Variants in ADAM10 observed in about 807,000 individuals in gnomAD.
ADAM10 encodes the protein ADAM metallopeptidase domain 10, also known as disintegrin and metalloproteinase domain-containing protein 10.
A neutral mutation model predicts 90.1 loss-of-function variants in ADAM10; 17 were observed. That is an observed-to-expected ratio of 0.19 (90% CI 0.13 to 0.28). The LOEUF (loss-of-function observed/expected upper bound fraction) is 0.28. ADAM10 is among the 10% of genes least tolerant of loss of function. The probability of loss-of-function intolerance (pLI) is 1.00; values close to 1 mark genes in which losing one functional copy is unlikely to be tolerated. For missense variants in ADAM10, 610 were observed against 914.3 expected (o/e 0.67, Z 4.29); for synonymous variants, 310 against 298.6 (o/e 1.04, Z -0.40).
intron 1 of ADAM10, among the ~76,000 whole-genome samples, chr15:58,722,567 A>G (rs1898890576): frequency 6.6e-6 from 1 of 151,218 alleles, no homozygotes; most frequent in Non-Finnish European, 1.5e-5. Flanking sequence ...GAAATCAAAT[A>G]AAAAAAGATA....
intron 14 of ADAM10, 65 bp from the exon 15 acceptor site, chr15:58,599,789 A>C: frequency 6.6e-7 from 1 of 1,518,832 alleles, no homozygotes; most frequent in South Asian, 1.1e-5. Flanking sequence ...AGTATCTTTT[A>C]CAGTATATAA....
At position 58,658,199 on chromosome 15, in the gene ADAM10, G is replaced by A. The variant is rs190468385; in HGVS notation, c.585+6898C>T. On this transcript the variant is annotated intron_variant, in intron 5 of 15. Transcript: ENST00000260408. ...TTGAGTTAATTTTTGTATAAGGTGT[G>A]AAGTACAGGTGAATCTCAATTTTTT... Among the ~76,000 whole-genome samples, 300 of 152,168 alleles carry A rather than the reference G, an allele frequency of 2.0e-3. 1 individual carries two copies. The highest frequency in any genetic ancestry group is 6.7e-3 in the African/African-American group (280 of 41,518).
chr15:58,619,623 G>A (rs983878752), intron 11 of ADAM10, among the ~76,000 whole-genome samples: 7 of 151,962 alleles, frequency 4.6e-5, no homozygotes, highest in Non-Finnish European at 7.4e-5. Context: ...ATGGAATAGG[G>A]GCCGGGTGCA....
chr15:58,692,970 G>T, intron 2 of ADAM10: 1 of 748,726 alleles, frequency 1.3e-6, no homozygotes, highest in Non-Finnish European at 2.5e-6. Context: ...GAGGGTTGGG[G>T]ATGATGTCAA....
chr15:58,725,742 C>G (rs1485195908), intron 1 of ADAM10, among the ~76,000 whole-genome samples: 1 of 151,858 alleles, frequency 6.6e-6, no homozygotes, highest in Non-Finnish European at 1.5e-5. Flanking sequence ...TATGTTAAGT[C>G]AGAAGAAAAT....
chr15:58,640,081 A>C lies in ADAM10; in HGVS notation c.1012+696T>G, dbSNP rs554386576. 2.2e-4 allele frequency among the ~76,000 whole-genome samples: 33 copies of C among 152,320 alleles called. No individual in the cohort carries two copies. The East Asian group carries it at 5.0e-3, about 23-fold the overall frequency. On this transcript the variant is annotated intron_variant, in intron 8 of 15. Coordinates refer to ENST00000260408, the MANE Select transcript of ADAM10 (RefSeq NM_001110.4). ...ACTAGGCAACTGAACTTATACAGTA[A>C]ATCACAGCTCCTCCACAACACTCCA...
At chr15:58,712,914 G>A (rs1898523441) in intron 2 of ADAM10, among the ~76,000 whole-genome samples, 4 of 152,100 alleles carry the variant, frequency 2.6e-5, no homozygotes, top group Non-Finnish European at 4.4e-5. Context: ...GATACATCAC[G>A]CACTTTCACA....
intron 2 of ADAM10, among the ~76,000 whole-genome samples, chr15:58,713,917 A>C (rs1293771098): frequency 6.6e-6 from 1 of 150,874 alleles, no homozygotes; most frequent in Non-Finnish European, 1.5e-5. Flanking sequence ...GGTTCAAGCG[A>C]TTGTCATGCC....
intron 2 of ADAM10, among the ~76,000 whole-genome samples, chr15:58,690,798 T>C (rs1045403346): frequency 5.9e-5 from 9 of 152,226 alleles, no homozygotes; most frequent in African/African-American, 2.2e-4. Context: ...ACAGCAGCAC[T>C]GAGTTCCTCT....
intron 8 of ADAM10, among the ~76,000 whole-genome samples, chr15:58,637,541 A>T (rs1896293233): frequency 6.6e-6 from 1 of 152,360 alleles, no homozygotes; most frequent in Admixed American, 6.5e-5. Flanking sequence ...ACCCAAAATT[A>T]TATCAAAATA....
intron 11 of ADAM10, among the ~76,000 whole-genome samples, chr15:58,617,263 A>G (rs1277302959): frequency 6.6e-6 from 1 of 152,148 alleles, no homozygotes. Context: ...AACTGATACC[A>G]CAAAAATACA....
intron 2 of ADAM10, among the ~76,000 whole-genome samples, chr15:58,696,112 A>G (rs1897971476): frequency 6.6e-6 from 1 of 151,806 alleles, no homozygotes; most frequent in Admixed American, 6.6e-5. Context: ...GTGAGACTCC[A>G]CCTCAAAAAT....
intron 2 of ADAM10, among the ~76,000 whole-genome samples, chr15:58,693,506 A>G (rs1897888814): frequency 6.6e-6 from 1 of 152,212 alleles, no homozygotes; most frequent in South Asian, 2.1e-4. Context: ...GGTTTTTCAA[A>G]AAGTGATGCT....
rs16940702 is a variant in ADAM10, at chr15:58,729,362, G to A, written c.56-11635C>T. Among the ~76,000 whole-genome samples the A allele has an allele frequency of 8.4e-3, 1,274 of 152,140 alleles. 19 individuals are homozygous for A. Among genetic ancestry groups the A allele is most frequent in the African/African-American group, 0.029 (1,209 of 41,490 alleles). ...CGTATCTAGCATTTTACAATTTTCT[G>A]AACACAGAATCTTGTTAATTCAAAC... On this transcript the variant is annotated intron_variant, in intron 1 of 15. Coordinates refer to ENST00000260408, the MANE Select transcript of ADAM10 (RefSeq NM_001110.4).
At chr15:58,740,211 G>A (rs1283665990) in intron 1 of ADAM10, among the ~76,000 whole-genome samples, 2 of 151,862 alleles carry the variant, frequency 1.3e-5, no homozygotes, top group Non-Finnish European at 2.9e-5. Flanking sequence ...AGAGTTCGAG[G>A]CCAGCCTGGC....
intron 11 of ADAM10, among the ~76,000 whole-genome samples, chr15:58,619,003 C>G (rs1895701125): frequency 6.6e-6 from 1 of 151,946 alleles, no homozygotes. Flanking sequence ...GCTGGGTATA[C>G]ATCCAAAGAA....
In ADAM10 at chr15:58,641,255, C is replaced by T. The variant is rs1427276594; in HGVS notation, c.829-295G>A. Reference sequence around the variant, plus strand: ...ACACTGAACACTTGGGAAGAAAAAACAAGTTTTGCTTTCAAAACCTTTAGT... The same window carrying T: ...ACACTGAACACTTGGGAAGAAAAAATAAGTTTTGCTTTCAAAACCTTTAGT... On this transcript the variant is annotated intron_variant, in intron 7 of 15. Coordinates refer to ENST00000260408, the MANE Select transcript of ADAM10 (RefSeq NM_001110.4). Among the ~76,000 whole-genome samples, 5 of 152,162 alleles carry T rather than the reference C, an allele frequency of 3.3e-5. No homozygotes were observed. The South Asian group carries it at 8.3e-4, about 25-fold the overall frequency.
At chr15:58,745,880 A>C (rs1291980155) in intron 1 of ADAM10, among the ~76,000 whole-genome samples, 2 of 152,218 alleles carry the variant, frequency 1.3e-5, no homozygotes, top group African/African-American at 4.8e-5. Context: ...GCCCACTAGT[A>C]TCTGGATTTC....
intron 1 of ADAM10, among the ~76,000 whole-genome samples, chr15:58,745,406 A>G (rs1899758145): frequency 6.6e-6 from 1 of 152,200 alleles, no homozygotes; most frequent in Admixed American, 6.5e-5. Flanking sequence ...TTCTCATCCC[A>G]GTAGAAAAAG....
Sources: allele counts gnomAD v4.1 joint callset (sites outside exome capture counted in the v4.1 genomes callset), GRCh38; gene constraint gnomAD v4.1.1; transcripts MANE v1.5; gene names NCBI Gene and HGNC (gene_info 2026-07-23, HGNC 2026-07-21).